Variants in STK35 observed in about 807,000 individuals in gnomAD.
STK35 encodes the protein serine/threonine-protein kinase 35.
STK35 carries 17 observed loss-of-function variants against 37.3 expected under a neutral mutation model. The ratio of observed to expected loss-of-function variants is 0.46; its 90% CI spans 0.31 to 0.68. The LOEUF (loss-of-function observed/expected upper bound fraction) is 0.68. Among genes scored for constraint, STK35 ranks in the 30% least tolerant of loss-of-function variants. The pLI, the probability that STK35 is intolerant of heterozygous loss-of-function variation, is 0.05. For synonymous variants in STK35, 385 were observed against 319.1 expected (o/e 1.21, Z -2.20); for missense variants, 595 against 746.7 (o/e 0.80, Z 2.37).
intron 3 of STK35, among the ~76,000 whole-genome samples, chr20:2,134,179 G>A (rs926117126): frequency 2.0e-5 from 3 of 150,638 alleles, no homozygotes; most frequent in African/African-American, 7.3e-5. Context: ...AGAATCGCTT[G>A]AACCCGGGAG....
intron 3 of STK35, among the ~76,000 whole-genome samples, chr20:2,121,231 G>C (rs1381254836): frequency 6.6e-6 from 1 of 152,198 alleles, no homozygotes; most frequent in African/African-American, 2.4e-5. Context: ...GGATCACTTT[G>C]CATCTTGAAA....
chr20:2,119,845 G>A (rs6112915), intron 3 of STK35, among the ~76,000 whole-genome samples: 2 of 152,184 alleles, frequency 1.3e-5, no homozygotes, highest in Non-Finnish European at 2.9e-5. Context: ...CTGGTTTCTA[G>A]GTGGGGTTGG....
Position 2,103,130 on chromosome 20 carries a change from A to C in STK35, c.657A>C (p.Ala219=). ...GCAGCTACGGCGTGGTTTATGAGGC[A>C]GTGGCCGGGCGCAGCGGGGCCCGGG... ...GRGSYGVVYE[A]VAGRSGARVA... The change falls in exon 2 of 4, where the codon GCA becomes GCC. Residue 219 remains alanine, a synonymous_variant. Coordinates refer to ENST00000381482, the MANE Select transcript of STK35 (RefSeq NM_080836.4). The C allele has an allele frequency of 6.2e-7, 1 of 1,603,944 alleles. No homozygotes were observed. The highest frequency in any genetic ancestry group is 8.5e-7 in the Non-Finnish European group (1 of 1,179,084).
At chr20:2,103,517 A>G in intron 2 of STK35, 152 bp downstream of exon 2, 1 of 720,730 alleles carries the variant, frequency 1.4e-6, no homozygotes, top group Non-Finnish European at 2.2e-6. Flanking sequence ...GGGCCCAGGC[A>G]TTCGGCCCTC....
intron 2 of STK35, among the ~76,000 whole-genome samples, chr20:2,115,593 TC>T (rs556388768): frequency 7.2e-4 from 110 of 152,298 alleles, no homozygotes; most frequent in African/African-American, 2.3e-3. Context: ...ACATAAAGAT[TC>T]ACTGGACTGT....
chr20:2,138,955 A>G (rs534582767), intron 3 of STK35, among the ~76,000 whole-genome samples: 1 of 152,316 alleles, frequency 6.6e-6, no homozygotes, highest in East Asian at 1.9e-4. Context: ...GAGCCCAGGA[A>G]TTTAATGCTG....
intron 3 of STK35, among the ~76,000 whole-genome samples, chr20:2,126,946 T>C (rs936142931): frequency 2.6e-5 from 4 of 152,140 alleles, no homozygotes; most frequent in African/African-American, 7.2e-5. Context: ...ACCCAGGCAC[T>C]CCATAGGCCA....
intron 2 of STK35, among the ~76,000 whole-genome samples, chr20:2,115,773 C>T (rs1985703800): frequency 6.6e-6 from 1 of 152,146 alleles, no homozygotes; most frequent in African/African-American, 2.4e-5. Context: ...CCCTGTGTTC[C>T]ATCATCCATT....
intron 3 of STK35, among the ~76,000 whole-genome samples, chr20:2,119,985 A>G (rs1043306823): frequency 1.3e-5 from 2 of 152,174 alleles, no homozygotes; most frequent in African/African-American, 4.8e-5. Context: ...TGGGCCTACC[A>G]CCCGTGGGTA....
intron 3 of STK35, among the ~76,000 whole-genome samples, chr20:2,118,036 A>G (rs1291906547): frequency 6.6e-6 from 1 of 152,186 alleles, no homozygotes; most frequent in East Asian, 1.9e-4. Context: ...TAAGAGGTAG[A>G]CAGGTTTTCA....
At position 2,117,390 on chromosome 20, in the gene STK35, A is replaced by G. The variant is rs1182295724; in HGVS notation, c.*12A>G. On this transcript the variant is annotated 3_prime_UTR_variant, in exon 3 of 4. Coordinates refer to ENST00000381482, the MANE Select transcript of STK35 (RefSeq NM_080836.4). The surrounding 1 kb of genome is among the most constrained non-coding windows in gnomAD (Gnocchi z 4.4). ...CATGTGCTGCTTAAAATTCAGGGCTAAGCATTTTGGGTGATTTTAAACTAG... is the reference window on the plus strand; with the variant it reads ...CATGTGCTGCTTAAAATTCAGGGCTGAGCATTTTGGGTGATTTTAAACTAG... 1 of 1,579,084 alleles carries G rather than the reference A, an allele frequency of 6.3e-7. No homozygotes were observed. The highest frequency in any genetic ancestry group is 8.6e-7 in the Non-Finnish European group (1 of 1,160,104).
chr20:2,102,069 C>G lies in STK35; in HGVS notation c.188C>G (p.Ser63Cys). ...SATRRARAATSRAARSRRQPG... is the reference protein window; with the variant it reads ...SATRRARAATCRAARSRRQPG... ...ACACGCCGGGCTCGGGCCGCCACCT[C>G]CCGCGCTGCTCGGTCCCGGAGGCAG... Residue 63 changes from serine to cysteine, a missense_variant, in exon 1 of 4, where the codon TCC becomes TGC. Coordinates refer to ENST00000381482, the MANE Select transcript of STK35 (RefSeq NM_080836.4). 3.3e-6 allele frequency: 5 copies of G among 1,522,272 alleles called. No individual in the cohort carries two copies. Among genetic ancestry groups the G allele is most frequent in the Non-Finnish European group, 4.4e-6 (5 of 1,139,704 alleles). 94.3% of individuals were successfully genotyped at this position (1,522,272 alleles called of 1,614,324 possible). A position where few individuals can be genotyped will look rare whatever the true frequency, so the allele number is the denominator to read the frequency against.
intron 3 of STK35, among the ~76,000 whole-genome samples, chr20:2,125,614 C>T (rs1268295812): frequency 6.6e-6 from 1 of 152,218 alleles, no homozygotes; most frequent in Non-Finnish European, 1.5e-5. Context: ...CATGGGTGTC[C>T]TTCACAGTCT....
Position 2,147,064 on chromosome 20 carries a change from GT to G in STK35, c.*3321del, listed in dbSNP as rs1257139404. ...TAAATGTTTACTTAAGAAACACCCT[GT>G]TTACAGCCAGAGGAGAAACACCCAA... is the stretch of plus-strand genomic sequence containing the variant. On this transcript the variant is annotated 3_prime_UTR_variant, in exon 4 of 4. Coordinates refer to ENST00000381482, the MANE Select transcript of STK35 (RefSeq NM_080836.4). The G allele has an allele frequency of 6.5e-6, 1 of 152,678 alleles. No homozygotes were observed. The highest frequency in any genetic ancestry group is 1.5e-5 in the Non-Finnish European group (1 of 68,060). 9.5% of individuals were successfully genotyped at this position (152,678 alleles called of 1,614,324 possible). A position where few individuals can be genotyped will look rare whatever the true frequency, so the allele number is the denominator to read the frequency against.
intron 3 of STK35, among the ~76,000 whole-genome samples, chr20:2,128,013 C>T (rs1479244630): frequency 6.6e-6 from 1 of 152,172 alleles, no homozygotes; most frequent in Non-Finnish European, 1.5e-5. Context: ...TCCCACCCCC[C>T]AACACACAGT....
At chr20:2,143,669 T>G (rs1986205967) in intron 3 of STK35, 115 bp from the exon 4 acceptor site, 1 of 294,254 alleles carries the variant, frequency 3.4e-6, no homozygotes, top group African/African-American at 2.3e-5. Flanking sequence ...CCCATCTCTT[T>G]AGAGCTCTGC....
chr20:2,123,860 G>A (rs765368186), intron 3 of STK35, among the ~76,000 whole-genome samples: 1 of 152,174 alleles, frequency 6.6e-6, no homozygotes, highest in Non-Finnish European at 1.5e-5. Flanking sequence ...CCTGTACCTG[G>A]TGCCTGGCTG....
At chr20:2,111,421 G>T (rs1321166377) in intron 2 of STK35, among the ~76,000 whole-genome samples, 1 of 152,196 alleles carries the variant, frequency 6.6e-6, no homozygotes, top group Non-Finnish European at 1.5e-5. Context: ...GTGGCCAGGC[G>T]TGGTGGCTCA....
At chr20:2,136,881 C>T (rs757286454) in intron 3 of STK35, among the ~76,000 whole-genome samples, 3 of 152,170 alleles carry the variant, frequency 2.0e-5, no homozygotes, top group African/African-American at 4.8e-5. Flanking sequence ...AGAAGAGTTC[C>T]CATAGAGACT....
Sources: allele counts gnomAD v4.1 joint callset (sites outside exome capture counted in the v4.1 genomes callset), GRCh38; gene constraint gnomAD v4.1.1; non-coding constraint Gnocchi (gnomAD v3.1); transcripts MANE v1.5; gene names NCBI Gene and HGNC (gene_info 2026-07-23, HGNC 2026-07-21).